GRM5: variants seen among roughly 807,000 people sequenced by gnomAD.
The protein encoded by GRM5 is metabotropic glutamate receptor 5.
A neutral mutation model predicts 83.1 loss-of-function variants in GRM5; 19 were observed. The ratio of observed to expected loss-of-function variants is 0.23; its 90% CI spans 0.16 to 0.34. GRM5 has a LOEUF of 0.34. Among genes scored for constraint, GRM5 ranks in the 10% least tolerant of loss-of-function variants. The probability of loss-of-function intolerance (pLI) is 1.00; values close to 1 mark genes in which losing one functional copy is unlikely to be tolerated. For missense variants in GRM5, 1,160 were observed against 1,588.3 expected (o/e 0.73, Z 4.58); for synonymous variants, 675 against 633.6 (o/e 1.07, Z -0.98).
intron 8 of GRM5, among the ~76,000 whole-genome samples, chr11:88,541,174 C>A (rs1942257197): frequency 1.3e-5 from 2 of 152,236 alleles, no homozygotes; most frequent in South Asian, 4.1e-4. Context: ...CTAATTCTGT[C>A]ATTTCCAAGC....
intron 2 of GRM5, among the ~76,000 whole-genome samples, chr11:88,974,671 T>C (rs146217899): frequency 7.2e-5 from 11 of 152,256 alleles, no homozygotes; most frequent in African/African-American, 2.6e-4. Flanking sequence ...TTACATTCTA[T>C]CATGATTTTT....
intron 7 of GRM5, among the ~76,000 whole-genome samples, chr11:88,589,592 T>A (rs1448371247): frequency 1.3e-5 from 2 of 152,170 alleles, no homozygotes; most frequent in Non-Finnish European, 2.9e-5. Flanking sequence ...TACTGATGAC[T>A]TTATGATCTT....
chr11:88,560,832 G>C (rs1318001431), intron 8 of GRM5, among the ~76,000 whole-genome samples: 2 of 152,200 alleles, frequency 1.3e-5, no homozygotes, highest in Non-Finnish European at 2.9e-5. Flanking sequence ...CGAGGGCCTA[G>C]CACAGTGGTG....
At chr11:88,601,728 C>T (rs1264018448) in intron 5 of GRM5, among the ~76,000 whole-genome samples, 1 of 152,114 alleles carries the variant, frequency 6.6e-6, no homozygotes, top group Admixed American at 6.5e-5. Context: ...CTATTATGGT[C>T]AATTCCGGGT....
intron 5 of GRM5, among the ~76,000 whole-genome samples, chr11:88,603,048 C>G (rs117613200): frequency 6.6e-6 from 1 of 152,118 alleles, no homozygotes; most frequent in Non-Finnish European, 1.5e-5. Flanking sequence ...TCAAAGCAAT[C>G]CTGAATTCCC....
chr11:88,874,407 C>A (rs1170237713), intron 2 of GRM5, among the ~76,000 whole-genome samples: 3 of 151,820 alleles, frequency 2.0e-5, no homozygotes, highest in Non-Finnish European at 4.4e-5. Context: ...GACACTATAA[C>A]CGTATCTCTT....
chr11:88,778,109 C>A (rs1409591529), intron 3 of GRM5, among the ~76,000 whole-genome samples: 1 of 152,060 alleles, frequency 6.6e-6, no homozygotes, highest in Non-Finnish European at 1.5e-5. Flanking sequence ...ATGGGCTCCG[C>A]CCATTTGGAG....
chr11:88,953,761 C>A (rs1312555513), intron 2 of GRM5, among the ~76,000 whole-genome samples: 1 of 152,038 alleles, frequency 6.6e-6, no homozygotes, highest in East Asian at 1.9e-4. Flanking sequence ...ATCAAAATGT[C>A]ATTTAATGGA....
intron 2 of GRM5, among the ~76,000 whole-genome samples, chr11:88,975,926 G>T (rs1939321488): frequency 1.3e-5 from 2 of 152,158 alleles, no homozygotes; most frequent in Non-Finnish European, 2.9e-5. Context: ...TAACAAGAAT[G>T]AAATAATGTT....
chr11:89,000,519 G>T (rs1489382921), intron 2 of GRM5, among the ~76,000 whole-genome samples: 3 of 152,038 alleles, frequency 2.0e-5, no homozygotes, highest in African/African-American at 7.2e-5. Flanking sequence ...AAAGAAAAAA[G>T]AAACGAATCT....
intron 3 of GRM5, among the ~76,000 whole-genome samples, chr11:88,673,639 T>G (rs1311035275): frequency 1.3e-5 from 2 of 151,880 alleles, no homozygotes; most frequent in Non-Finnish European, 2.9e-5. Flanking sequence ...TTATAATTTT[T>G]TAGTCTGACA....
At chr11:88,919,456 G>T (rs1945653267) in intron 2 of GRM5, among the ~76,000 whole-genome samples, 2 of 150,928 alleles carry the variant, frequency 1.3e-5, no homozygotes, top group Non-Finnish European at 3.0e-5. Flanking sequence ...ATAGTTGGAG[G>T]CTTCACCATC....
chr11:88,704,327 C>G (rs10831297), intron 3 of GRM5, among the ~76,000 whole-genome samples: 2,710 of 152,014 alleles, frequency 0.018, 67 homozygotes, highest in East Asian at 0.098. Flanking sequence ...GACCTTGCCC[C>G]AAGTTAGGTG....
At chr11:88,908,444 G>A (rs541080607) in intron 2 of GRM5, among the ~76,000 whole-genome samples, 2 of 152,202 alleles carry the variant, frequency 1.3e-5, no homozygotes, top group South Asian at 2.1e-4. Context: ...CCTGCTAGGA[G>A]TTTCTTTCCT....
At chr11:88,896,761 A>G (rs1945234675) in intron 2 of GRM5, among the ~76,000 whole-genome samples, 1 of 151,912 alleles carries the variant, frequency 6.6e-6, no homozygotes, top group Non-Finnish European at 1.5e-5. Flanking sequence ...GATGATGGCC[A>G]CATACATTGG....
chr11:89,053,900 G>A (rs1941815079), intron 1 of GRM5, among the ~76,000 whole-genome samples: 1 of 152,174 alleles, frequency 6.6e-6, no homozygotes, highest in Admixed American at 6.5e-5. Context: ...TTAATATTTA[G>A]TGTGCTGAGG....
At chr11:89,048,682 C>T (rs1941694962) in intron 1 of GRM5, among the ~76,000 whole-genome samples, 1 of 151,972 alleles carries the variant, frequency 6.6e-6, no homozygotes, top group Admixed American at 6.6e-5. Context: ...ATAATAAAAA[C>T]AAATGAAGAA....
intron 2 of GRM5, among the ~76,000 whole-genome samples, chr11:88,906,941 T>A (rs1397065240): frequency 6.6e-6 from 1 of 152,158 alleles, no homozygotes; most frequent in Non-Finnish European, 1.5e-5. Flanking sequence ...AGTTTGAACA[T>A]CTAGTACTGC....
chr11:88,757,147 A>T (rs1942410799), intron 3 of GRM5, among the ~76,000 whole-genome samples: 1 of 152,168 alleles, frequency 6.6e-6, no homozygotes, highest in African/African-American at 2.4e-5. Flanking sequence ...CATTCAAAGC[A>T]GTCAAAGGAA....
Sources: gnomAD v4.1 joint callset for allele counts (sites outside exome capture counted in the v4.1 genomes callset) on GRCh38, gnomAD v4.1.1 for gene constraint, MANE v1.5 for transcripts, NCBI Gene and HGNC (gene_info 2026-07-23, HGNC 2026-07-21) for gene names.